The following ENOX2 variants were observed in gnomAD, a reference collection of about 807,000 sequenced individuals.
ENOX2 encodes the protein APK1 antigen.
ENOX2 carries 36 observed loss-of-function variants against 45.0 expected under a neutral mutation model. The ratio of observed to expected loss-of-function variants is 0.80; its 90% CI spans 0.61 to 1.06. ENOX2 has a LOEUF of 1.06. ENOX2 is among the 50% of genes least tolerant of loss of function. The probability of loss-of-function intolerance (pLI) is 0.00; values close to 1 mark genes in which losing one functional copy is unlikely to be tolerated. For missense variants in ENOX2, 423 were observed against 462.5 expected, an observed-to-expected ratio of 0.91 and a Z score of 0.78; for synonymous variants, 174 against 152.3, an observed-to-expected ratio of 1.14 and a Z score of -1.05.
At chrX:130,809,651 C>T (rs1379763171) in intron 2 of ENOX2, among the ~76,000 whole-genome samples, 1 of 111,296 alleles carries the variant, frequency 9.0e-6, no homozygotes, top group Non-Finnish European at 1.9e-5. Context: ...GTGAGTAGAA[C>T]AATTTAGTCA....
At chrX:130,650,905 A>C (rs1467567842) in intron 10 of ENOX2, among the ~76,000 whole-genome samples, 1 of 111,937 alleles carries the variant, frequency 8.9e-6, no homozygotes, top group African/African-American at 3.3e-5. Context: ...TCAATGGTAC[A>C]AAGAAAACAA....
At chrX:130,812,246 G>A (rs1330602962) in intron 2 of ENOX2, among the ~76,000 whole-genome samples, 1 of 111,493 alleles carries the variant, frequency 9.0e-6, no homozygotes, top group Non-Finnish European at 1.9e-5. Context: ...ATCCAAAAAA[G>A]ACTATACTCA....
intron 3 of ENOX2, chrX:130,709,428 C>T: frequency 1.8e-6 from 1 of 568,240 alleles, no homozygotes; most frequent in Non-Finnish European, 3.0e-6. Context: ...CATTTGAGGT[C>T]AGGAGTTCAA....
intron 6 of ENOX2, among the ~76,000 whole-genome samples, chrX:130,678,461 C>T (rs777904575): frequency 9.1e-6 from 1 of 109,716 alleles, no homozygotes; most frequent in South Asian, 4.0e-4. Flanking sequence ...CCCTCCACTC[C>T]CTCTCTCATT....
chrX:130,829,781 T>C (rs983081008), intron 2 of ENOX2, among the ~76,000 whole-genome samples: 1 of 111,904 alleles, frequency 8.9e-6, no homozygotes, highest in Non-Finnish European at 1.9e-5. Context: ...AATGACTTAC[T>C]CAAGATTGCA....
rs776781802 is a variant in ENOX2 at position 130,695,030 on chromosome X, A to ATC, written c.98-6013_98-6012insGA. On this transcript the variant is annotated intron_variant, in intron 4 of 14. Coordinates refer to ENST00000394363, the MANE Select transcript of ENOX2 (RefSeq NM_006375.4). ...GATGAGGAAACTGAAGCTGAAAGAG[A>ATC]TAACACAGTAAGGATACACAGTAAG... 3.6e-5 allele frequency among the ~76,000 whole-genome samples: 4 copies of ATC among 112,058 alleles called. No individual in the cohort carries two copies. The East Asian group carries it at 1.1e-3, about 32-fold the overall frequency.
At position 130,682,583 on chromosome X, in the gene ENOX2, C is replaced by CAAAAAAAAAAAAAAAA. The variant is rs55875735; in HGVS notation, c.254-2851_254-2836dup. The stretch of plus-strand genomic sequence containing the variant: ...TGGGTGACAGAGCGAGACTCCGTCT[C>CAAAAAAAAAAAAAAAA]AAAAAAAAAAAAAAAAAAAAAAAAA... On this transcript the variant is annotated intron_variant, in intron 5 of 14. Coordinates refer to ENST00000394363, the MANE Select transcript of ENOX2 (RefSeq NM_006375.4). Among the ~76,000 whole-genome samples the CAAAAAAAAAAAAAAAA allele has an allele frequency of 8.2e-4, 12 of 14,659 alleles. 2 individuals carry two copies. Among genetic ancestry groups the CAAAAAAAAAAAAAAAA allele is most frequent in the African/African-American group, 2.4e-3 (12 of 4,912 alleles). 12.7% of individuals were successfully genotyped at this position (14,659 alleles called of 115,157 possible).
intron 9 of ENOX2, among the ~76,000 whole-genome samples, chrX:130,662,007 G>A (rs1313883660): frequency 1.8e-5 from 2 of 111,640 alleles, no homozygotes; most frequent in African/African-American, 6.5e-5. Flanking sequence ...CATTATCAAA[G>A]CTTTAGCTTT....
intron 6 of ENOX2, among the ~76,000 whole-genome samples, chrX:130,674,798 G>A (rs1416324382): frequency 1.1e-5 from 1 of 90,064 alleles, no homozygotes; most frequent in African/African-American, 4.2e-5. Flanking sequence ...TCCCCAGAGT[G>A]TGATGTTCCC....
At chrX:130,667,768 A>G (rs1422181847) in intron 7 of ENOX2, 26 bp from the exon 8 acceptor site, 6 of 1,095,364 alleles carry the variant, frequency 5.5e-6, no homozygotes, top group Non-Finnish European at 7.5e-6. Context: ...TTTTATAACC[A>G]ACAAAGGTAA....
At chrX:130,639,729 TAAA>T (rs2036029356) in intron 10 of ENOX2, among the ~76,000 whole-genome samples, 1 of 110,747 alleles carries the variant, frequency 9.0e-6, no homozygotes, top group Non-Finnish European at 1.9e-5. Context: ...AATAAGAGCA[TAAA>T]GAAGAAATTC....
chrX:130,769,855 C>T (rs1339133189), intron 3 of ENOX2, among the ~76,000 whole-genome samples: 1 of 112,077 alleles, frequency 8.9e-6, no homozygotes, highest in Non-Finnish European at 1.9e-5. Flanking sequence ...TTTAAAAATG[C>T]GATTAGCAAA....
chrX:130,731,067 G>A lies in ENOX2; in HGVS notation c.-38-27813C>T, dbSNP rs754524813. Among the ~76,000 whole-genome samples the A allele has an allele frequency of 5.4e-5, 6 of 110,812 alleles. No homozygotes were observed. In the East Asian group the frequency reaches 1.7e-3, roughly 32 times the overall value. ...GGGATACATTCAGATGGTTGAAGGG[G>A]GCACTGGAATTTTATTTTTGGTTTA... On this transcript the variant is annotated intron_variant, in intron 3 of 14. Transcript: ENST00000394363.
At chrX:130,711,623 A>G (rs1160668860) in intron 3 of ENOX2, among the ~76,000 whole-genome samples, 1 of 111,528 alleles carries the variant, frequency 9.0e-6, no homozygotes, top group Non-Finnish European at 1.9e-5. Flanking sequence ...GTAGGTAGTC[A>G]TTTTCACATG....
chrX:130,843,720 T>C (rs2078052151), intron 2 of ENOX2, among the ~76,000 whole-genome samples: 1 of 112,049 alleles, frequency 8.9e-6, no homozygotes, highest in African/African-American at 3.2e-5. Context: ...CACATCAGCC[T>C]GGAATACTTG....
At chrX:130,685,820 A>C (rs1356091062) in intron 5 of ENOX2, among the ~76,000 whole-genome samples, 1 of 111,543 alleles carries the variant, frequency 9.0e-6, no homozygotes, top group Non-Finnish European at 1.9e-5. Flanking sequence ...TGGCAAGTAG[A>C]AGTGATGGAT....
rs186711312 is a variant in ENOX2, at chrX:130,726,783, T to A, written c.-38-23529A>T. 2.7e-4 allele frequency among the ~76,000 whole-genome samples: 30 copies of A among 112,597 alleles called. No homozygotes were observed. The East Asian group carries it at 7.5e-3, about 28-fold the overall frequency. ...CTGTGAGTTGGCTTTCTCCCTTTGG[T>A]ATGTGACCAACTTCAAAGAAGCAAT... On this transcript the variant is annotated intron_variant, in intron 3 of 14. Transcript: ENST00000394363.
At chrX:130,742,086 G>A (rs1177822874) in intron 3 of ENOX2, among the ~76,000 whole-genome samples, 2 of 110,481 alleles carry the variant, frequency 1.8e-5, no homozygotes, top group Non-Finnish European at 3.8e-5. Context: ...TTCAGAGGAA[G>A]GGGAAACTCA....
At chrX:130,658,921 T>TA (rs1179546552) in intron 9 of ENOX2, among the ~76,000 whole-genome samples, 2 of 112,144 alleles carry the variant, frequency 1.8e-5, no homozygotes, top group Non-Finnish European at 3.8e-5. Context: ...CTAATGGATA[T>TA]AAACACAGAC....
Sources: allele counts gnomAD v4.1 joint callset (sites outside exome capture counted in the v4.1 genomes callset), GRCh38; gene constraint gnomAD v4.1.1; transcripts MANE v1.5; gene names NCBI Gene and HGNC (gene_info 2026-07-23, HGNC 2026-07-21).